TNR: variants seen among roughly 807,000 people sequenced by gnomAD.
TNR encodes tenascin-R.
In TNR, 45 loss-of-function variants were observed where a neutral mutation model predicts 150.4. That is an observed-to-expected ratio of 0.30 (90% confidence interval 0.24 to 0.38). The LOEUF is 0.38. Ranked by LOEUF, TNR falls within the 10% of genes least tolerant of loss-of-function variation. The probability of loss-of-function intolerance (pLI) is 1.00; values close to 1 mark genes in which losing one functional copy is unlikely to be tolerated. For missense variants in TNR, 1,544 were observed against 1,759.1 expected, an observed-to-expected ratio of 0.88 and a Z score of 2.19; for synonymous variants, 687 against 678.4, an observed-to-expected ratio of 1.01 and a Z score of -0.20.
chr1:175,612,243 A>G (rs1424573776), intron 1 of TNR, among the ~76,000 whole-genome samples: 3 of 152,144 alleles, frequency 2.0e-5, no homozygotes, highest in Admixed American at 2.0e-4. Flanking sequence ...AGTGGGCCCT[A>G]TCCCACCCCT....
chr1:175,616,078 G>A (rs1663764355), intron 1 of TNR, among the ~76,000 whole-genome samples: 1 of 152,164 alleles, frequency 6.6e-6, no homozygotes, highest in Non-Finnish European at 1.5e-5. Flanking sequence ...CTTTCTGCGT[G>A]GGACAAACCA....
At chr1:175,656,303 C>T (rs67694449) in intron 1 of TNR, among the ~76,000 whole-genome samples, 16,480 of 152,052 alleles carry the variant, frequency 0.11, 1,014 homozygotes, top group East Asian at 0.2. Context: ...ACCTCGGCTA[C>T]GTGGTGGGTC....
intron 1 of TNR, among the ~76,000 whole-genome samples, chr1:175,566,756 T>A (rs1359821334): frequency 1.3e-5 from 2 of 152,222 alleles, no homozygotes; most frequent in African/African-American, 4.8e-5. Context: ...TTAATCAACC[T>A]CACTCCTGCC....
intron 2 of TNR, among the ~76,000 whole-genome samples, chr1:175,511,823 G>A (rs998912901): frequency 1.3e-5 from 2 of 152,148 alleles, no homozygotes; most frequent in Non-Finnish European, 2.9e-5. Context: ...TTCCAGAAAG[G>A]CACAACAGTC....
chr1:175,497,199 C>T (rs982321097), intron 2 of TNR, among the ~76,000 whole-genome samples: 3 of 152,200 alleles, frequency 2.0e-5, no homozygotes, highest in Admixed American at 6.5e-5. Context: ...GCATACTTTG[C>T]GGCCAGCCCT....
At chr1:175,426,333 G>A (rs780100776) in intron 2 of TNR, among the ~76,000 whole-genome samples, 8 of 152,232 alleles carry the variant, frequency 5.3e-5, no homozygotes, top group African/African-American at 1.2e-4. Context: ...GGGGTGCTGC[G>A]TTTGCTCCCC....
intron 2 of TNR, among the ~76,000 whole-genome samples, chr1:175,449,745 A>C (rs1656222531): frequency 1.3e-5 from 2 of 152,250 alleles, no homozygotes; most frequent in South Asian, 4.1e-4. Context: ...TGGATTTTTG[A>C]AGAGATTTTC....
chr1:175,468,354 T>C (rs1169445312), intron 2 of TNR, among the ~76,000 whole-genome samples: 2 of 152,164 alleles, frequency 1.3e-5, no homozygotes, highest in South Asian at 2.1e-4. Context: ...TGCAACTTAA[T>C]TGAGGTGACG....
At chr1:175,689,699 AT>A (rs1666303077) in intron 1 of TNR, among the ~76,000 whole-genome samples, 1 of 152,180 alleles carries the variant, frequency 6.6e-6, no homozygotes. Context: ...ATGCACCAAT[AT>A]TTATGCACAT....
At chr1:175,392,000 T>C (rs1204068687) in intron 6 of TNR, among the ~76,000 whole-genome samples, 1 of 152,222 alleles carries the variant, frequency 6.6e-6, no homozygotes, top group African/African-American at 2.4e-5. Flanking sequence ...AATCTGTCGA[T>C]GTCTTGTTTC....
intron 18 of TNR, 26 bp from the exon 19 acceptor site, chr1:175,337,705 G>T: frequency 6.2e-7 from 1 of 1,612,522 alleles, no homozygotes; most frequent in African/African-American, 1.3e-5. Flanking sequence ...ACAATGTCCA[G>T]AAAGGATTCT....
At chr1:175,516,386 C>T (rs1659407532) in intron 2 of TNR, among the ~76,000 whole-genome samples, 1 of 152,096 alleles carries the variant, frequency 6.6e-6, no homozygotes, top group African/African-American at 2.4e-5. Context: ...GACAGCGTGG[C>T]CCAGGAGGAA....
chr1:175,357,465 T>C (rs1210827851), intron 15 of TNR, among the ~76,000 whole-genome samples: 1 of 152,242 alleles, frequency 6.6e-6, no homozygotes. Context: ...TTCAAACTAA[T>C]GCTTAAGCTT....
chr1:175,735,599 A>G (rs1667750500), intron 1 of TNR, among the ~76,000 whole-genome samples: 1 of 152,226 alleles, frequency 6.6e-6, no homozygotes, highest in African/African-American at 2.4e-5. Flanking sequence ...ATTCAAAGTA[A>G]TCTATATAAA....
At chr1:175,362,904 G>T in intron 13 of TNR, 95 bp from the exon 14 acceptor site, 1 of 1,468,458 alleles carries the variant, frequency 6.8e-7, no homozygotes, top group South Asian at 1.2e-5. Context: ...AGATGGGTGT[G>T]GGACTCCGCA....
chr1:175,672,298 T>C (rs542723513), intron 1 of TNR, among the ~76,000 whole-genome samples: 4 of 152,286 alleles, frequency 2.6e-5, no homozygotes, highest in African/African-American at 7.2e-5. Context: ...TATCTACCTG[T>C]GGCCAACATG....
In TNR at chr1:175,406,430, G is replaced by A. The variant is rs760955886; in HGVS notation, c.285C>T (p.Asp95=). The A allele has an allele frequency of 2.2e-5, 36 of 1,614,008 alleles. No individual in the cohort carries two copies. Among genetic ancestry groups the A allele is most frequent in the African/African-American group, 4.0e-5 (3 of 74,908 alleles). Residue 95 remains aspartate (D), a synonymous_variant, in exon 3 of 23, where the codon GAC becomes GAT. Coordinates refer to ENST00000367674, the MANE Select transcript of TNR (RefSeq NM_003285.3). Reference sequence around the variant, plus strand: ...GGCCCATGTACTCTGCCAGAGTCTCGTCTTCTGCACTCACCTCCTGCTCAG... The same window carrying A: ...GGCCCATGTACTCTGCCAGAGTCTCATCTTCTGCACTCACCTCCTGCTCAG... ...ASAEQEVSAE[D]ETLAEYMGQT...
chr1:175,372,781 A>G (rs1223107966), intron 9 of TNR, among the ~76,000 whole-genome samples: 1 of 152,178 alleles, frequency 6.6e-6, no homozygotes, highest in East Asian at 1.9e-4. Context: ...ACATGAGGAA[A>G]TATGGACCTT....
At chr1:175,519,094 C>A (rs1030123513) in intron 2 of TNR, among the ~76,000 whole-genome samples, 3 of 152,144 alleles carry the variant, frequency 2.0e-5, no homozygotes, top group Non-Finnish European at 2.9e-5. Flanking sequence ...CTCTTATTTA[C>A]AACTCACTCC....
Sources: gnomAD v4.1 joint callset for allele counts (sites outside exome capture counted in the v4.1 genomes callset) on GRCh38, gnomAD v4.1.1 for gene constraint, MANE v1.5 for transcripts, NCBI Gene and HGNC (gene_info 2026-07-23, HGNC 2026-07-21) for gene names.